The following KLHL21 variants were observed in gnomAD, a reference collection of about 807,000 sequenced individuals.
KLHL21 encodes the protein kelch like family member 21.
KLHL21 carries 42 observed loss-of-function variants against 44.1 expected under a neutral mutation model. The observed-to-expected ratio is 0.95, with a 90% CI of 0.74 to 1.23. The LOEUF (loss-of-function observed/expected upper bound fraction) is 1.23, where lower values mean the gene tolerates loss of function less well. Among genes scored for constraint, KLHL21 ranks in the 50% most tolerant of loss-of-function variants. The probability of loss-of-function intolerance (pLI) is 0.00; values close to 1 mark genes in which losing one functional copy is unlikely to be tolerated. For missense variants in KLHL21, 918 were observed against 889.1 expected (o/e 1.03, Z -0.41); for synonymous variants, 524 against 411.6 (o/e 1.27, Z -3.31).
intron 3 of KLHL21, 171 bp from the exon 4 acceptor site, chr1:6,593,829 G>C: frequency 2.2e-6 from 3 of 1,368,158 alleles, no homozygotes. Context: ...CTGCCTAGGA[G>C]AACGGGCCTC....
intron 2 of KLHL21, among the ~76,000 whole-genome samples, chr1:6,598,184 C>G (rs1640954227): frequency 6.6e-6 from 1 of 152,222 alleles, no homozygotes; most frequent in South Asian, 2.1e-4. Flanking sequence ...ACAATCCCAG[C>G]ACTCTGGGAG....
chr1:6,600,522 C>T (rs1641001356), intron 1 of KLHL21, among the ~76,000 whole-genome samples: 1 of 152,242 alleles, frequency 6.6e-6, no homozygotes, highest in Middle Eastern at 3.2e-3. Flanking sequence ...TTCTGTTTCA[C>T]AGCCCTGAGC....
rs1007573517 is a variant in KLHL21, at chr1:6,591,123, G to A, written c.*2242C>T. Reference sequence around the variant, plus strand: ...CAGCAGAGGGAAACTGGGGAGAGGAGGGGGCCTGACCCTGGATCCCCCAGC... The same window carrying A: ...CAGCAGAGGGAAACTGGGGAGAGGAAGGGGCCTGACCCTGGATCCCCCAGC... On this transcript the variant is annotated 3_prime_UTR_variant, in exon 4 of 4. Transcript: ENST00000377658. The A allele has an allele frequency of 1.8e-5, 7 of 397,726 alleles. No individual in the cohort carries two copies. Among genetic ancestry groups the A allele is most frequent in the Non-Finnish European group, 1.8e-5 (4 of 225,754 alleles). 24.6% of individuals were successfully genotyped at this position (397,726 alleles called of 1,614,324 possible).
At chr1:6,601,718 G>T in intron 1 of KLHL21, 79 bp downstream of exon 1, 1 of 1,463,036 alleles carries the variant, frequency 6.8e-7, no homozygotes, top group Non-Finnish European at 9.1e-7. Flanking sequence ...GGCTCTGTGC[G>T]CTTCCCCCGC....
In KLHL21 at chr1:6,593,168, G is replaced by A. The variant is rs1046062679; in HGVS notation, c.*197C>T. 3.5e-6 allele frequency: 2 copies of A among 564,440 alleles called. No homozygotes were observed. Among genetic ancestry groups the A allele is most frequent in the Non-Finnish European group, 6.1e-6 (2 of 326,142 alleles). 35.0% of individuals were successfully genotyped at this position (564,440 alleles called of 1,614,324 possible). ...GTGGCTCTTCCTCAACTGCAGGGAGGGCGTTCCCGACGGCCTCTGATTCAG... is the reference window on the plus strand; with the variant it reads ...GTGGCTCTTCCTCAACTGCAGGGAGAGCGTTCCCGACGGCCTCTGATTCAG... On this transcript the variant is annotated 3_prime_UTR_variant, in exon 4 of 4. Transcript: ENST00000377658.
Position 6,601,807 on chromosome 1 carries a change from G to A in KLHL21, c.1011C>T (p.Ile337=), listed in dbSNP as rs1641025269. The A allele has an allele frequency of 3.2e-6, 5 of 1,577,500 alleles. No individual in the cohort carries two copies. Among genetic ancestry groups the A allele is most frequent in the Non-Finnish European group, 4.3e-6 (5 of 1,160,576 alleles). ...CCCTGGCCCACTCACCCGTCACGTA[G>A]ATGTCATTGCCCAGCGCCACGATGC... ...GYSIVALGND[I]YVTGGSDGSR... The change falls in exon 1 of 4, where the codon ATC becomes ATT. Residue 337 remains isoleucine, a synonymous_variant. Transcript: ENST00000377658.
Position 6,602,254 on chromosome 1 carries a change from G to T in KLHL21, c.564C>A (p.Asp188Glu). The change falls in exon 1 of 4, where the codon GAC becomes GAA. Residue 188 changes from aspartate (D) to glutamate (E), a missense_variant. Physicochemically the swap from Asp to Glu is conservative, Grantham distance 45 (BLOSUM62 2). Coordinates refer to ENST00000377658, the MANE Select transcript of KLHL21 (RefSeq NM_014851.4). ...LARLLRYLRD[D>E]GLCVPKEEAA... Reference sequence around the variant, plus strand: ...CCTCCTCCTTGGGCACACACAGCCCGTCGTCCCGCAGGTAGCGCAGCAGGC... The same window carrying T: ...CCTCCTCCTTGGGCACACACAGCCCTTCGTCCCGCAGGTAGCGCAGCAGGC... The T allele has an allele frequency of 1.9e-6, 3 of 1,547,708 alleles. No individual in the cohort carries two copies. The highest frequency in any genetic ancestry group is 2.6e-6 in the Non-Finnish European group (3 of 1,153,970).
intron 2 of KLHL21, among the ~76,000 whole-genome samples, chr1:6,595,809 G>C (rs1003571956): frequency 2.0e-5 from 3 of 152,180 alleles, no homozygotes; most frequent in Non-Finnish European, 4.4e-5. Flanking sequence ...TCAGGCTTTT[G>C]AGTACTTGAA....
intron 1 of KLHL21, among the ~76,000 whole-genome samples, chr1:6,601,475 G>C (rs922330511): frequency 1.3e-5 from 2 of 152,196 alleles, no homozygotes; most frequent in Non-Finnish European, 2.9e-5. Context: ...GAAAAAGAAA[G>C]CACCCATTGT....
chr1:6,598,910 G>C (rs1405156463), intron 2 of KLHL21, 137 bp downstream of exon 2: 1 of 901,278 alleles, frequency 1.1e-6, no homozygotes, highest in Non-Finnish European at 1.6e-6. Context: ...AAAACAAAGA[G>C]ACAGACCCAG....
At position 6,599,915 on chromosome 1, in the gene KLHL21, A is replaced by C. The variant is rs189497145; in HGVS notation, c.1022-463T>G. The C allele has an allele frequency of 2.2e-3, 358 of 163,448 alleles. 2 individuals are homozygous for C. Among genetic ancestry groups the C allele is most frequent in the Non-Finnish European group, 1.4e-3 (108 of 74,872 alleles). The allele number at this position is 163,448 out of a possible 1,614,324, so 10.1% of individuals were successfully genotyped here. On this transcript the variant is annotated intron_variant, in intron 1 of 3. Transcript: ENST00000377658. The stretch of plus-strand genomic sequence containing the variant: ...TGAGCGGAAACCCACTTCCTGCTTT[A>C]AGCAAGAGACCTAACGCTACACTGC...
At chr1:6,599,786 T>G in intron 1 of KLHL21, 1 of 267,482 alleles carries the variant, frequency 3.7e-6, no homozygotes, top group Non-Finnish European at 7.1e-6. Context: ...TTGGGACAGT[T>G]CTCCTGGGGA....
At chr1:6,595,821 C>A (rs1013128141) in intron 2 of KLHL21, among the ~76,000 whole-genome samples, 6 of 152,226 alleles carry the variant, frequency 3.9e-5, no homozygotes, top group African/African-American at 1.4e-4. Context: ...GTACTTGAAG[C>A]CCATTCAGTG....
chr1:6,599,404 G>C lies in KLHL21; in HGVS notation c.1070C>G (p.Ser357Ter). Residue 357 changes from serine (S) to a stop codon, truncating the protein, a stop_gained, in exon 2 of 4, where the codon TCA becomes TGA. Coordinates refer to ENST00000377658, the MANE Select transcript of KLHL21 (RefSeq NM_014851.4). LOFTEE classifies it high-confidence loss of function. Reference sequence around the variant, plus strand: ...CACCTCCGCCCACTCATTCACGCTTGAGTTGTACCTCCACACGCAGTCATA... The same window carrying C: ...CACCTCCGCCCACTCATTCACGCTTCAGTTGTACCTCCACACGCAGTCATA... Reference protein sequence around the residue: ...RLYDCVWRYNSSVNEWAEVAP... With the variant: ...RLYDCVWRYN 6.2e-7 allele frequency: 1 copy of C among 1,613,270 alleles called. No homozygotes were observed. Among genetic ancestry groups the C allele is most frequent in the South Asian group, 1.1e-5 (1 of 91,072 alleles).
In KLHL21 at chr1:6,602,343, G is replaced by A. The variant is rs747299991; in HGVS notation, c.475C>T (p.Arg159Trp). 20 of 1,559,128 alleles carry A rather than the reference G, an allele frequency of 1.3e-5. No homozygotes were observed. The East Asian group carries it at 3.4e-4, about 26-fold the overall frequency. The change falls in exon 1 of 4, where the codon CGG becomes TGG. Residue 159 changes from arginine (R) to tryptophan (W), a missense_variant. Physicochemically the swap from Arg to Trp is moderately radical, Grantham distance 101 (BLOSUM62 -3). Transcript: ENST00000377658. ...TCGCCCACGTGGCGCAGAATGAACC[G>A]CTGCGCCGCGCTCGCCAGTCCCGAG... ...SCSGLASAAQ[R>W]FILRHVGELG...
Position 6,591,400 on chromosome 1 carries a change from T to A in KLHL21, c.*1965A>T. 1 of 175,582 alleles carries A rather than the reference T, an allele frequency of 5.7e-6. No homozygotes were observed. Among genetic ancestry groups the A allele is most frequent in the Non-Finnish European group, 1.2e-5 (1 of 83,770 alleles). The allele number at this position is 175,582 out of a possible 1,614,324, so 10.9% of individuals were successfully genotyped here. A position where few individuals can be genotyped will look rare whatever the true frequency, so the allele number is the denominator to read the frequency against. On this transcript the variant is annotated 3_prime_UTR_variant, in exon 4 of 4. Transcript: ENST00000377658. ...ACCACAGCAAAGCCGCAAAAAAGAC[T>A]GAGAAAACAGGAACCCAGAGTTCCA... is the stretch of plus-strand genomic sequence containing the variant.
intron 2 of KLHL21, among the ~76,000 whole-genome samples, chr1:6,598,368 T>C (rs1472862547): frequency 2.0e-5 from 3 of 151,304 alleles, no homozygotes; most frequent in Non-Finnish European, 2.9e-5. Flanking sequence ...TCAGGAGTTC[T>C]AGACCAGCCT....
At position 6,590,957 on chromosome 1, in the gene KLHL21, C is replaced by T. The variant is rs755583597; in HGVS notation, c.*2408G>A. 6 of 398,560 alleles carry T rather than the reference C, an allele frequency of 1.5e-5. No individual in the cohort carries two copies. The highest frequency in any genetic ancestry group is 2.2e-5 in the Non-Finnish European group (5 of 226,086). 24.7% of individuals were successfully genotyped at this position (398,560 alleles called of 1,614,324 possible). ...GTAGATCAGCATTAAATACCAGTCA[C>T]TGTGTTTATATAACTTAATTTGTGC... On this transcript the variant is annotated 3_prime_UTR_variant, in exon 4 of 4. Coordinates refer to ENST00000377658, the MANE Select transcript of KLHL21 (RefSeq NM_014851.4).
intron 1 of KLHL21, 180 bp from the exon 2 acceptor site, chr1:6,599,632 C>T (rs764506916): frequency 4.9e-5 from 31 of 635,482 alleles, no homozygotes; most frequent in Middle Eastern, 4.3e-4. Flanking sequence ...GCAAAGCACA[C>T]GCTGACCACT....
Sources: gnomAD v4.1 joint callset for allele counts (sites outside exome capture counted in the v4.1 genomes callset) on GRCh38, gnomAD v4.1.1 for gene constraint, MANE v1.5 for transcripts, NCBI Gene and HGNC (gene_info 2026-07-23, HGNC 2026-07-21) for gene names.